DCAF8: variants seen among roughly 807,000 people sequenced by gnomAD.
DCAF8 encodes DDB1 and CUL4 associated factor 8.
DCAF8 carries 20 observed loss-of-function variants against 68.0 expected under a neutral mutation model. The ratio of observed to expected loss-of-function variants is 0.29; its 90% CI spans 0.21 to 0.43. DCAF8 has a LOEUF of 0.43. Ranked by LOEUF, DCAF8 falls within the 20% of genes least tolerant of loss-of-function variation. DCAF8 has a pLI of 1.00. For missense variants in DCAF8, 460 were observed against 771.0 expected (o/e 0.60, Z 4.78); for synonymous variants, 230 against 276.9 (o/e 0.83, Z 1.68).
intron 7 of DCAF8, among the ~76,000 whole-genome samples, chr1:160,230,822 G>A (rs1210294347): frequency 6.6e-6 from 1 of 152,100 alleles, no homozygotes; most frequent in East Asian, 1.9e-4. Flanking sequence ...CACAATCTTG[G>A]CTCATTGCAA....
rs778005634 is a variant in DCAF8 at position 160,240,000 on chromosome 1, C to T, written c.420G>A (p.Val140=). ...SDDERALEDW[V]SSETSALPRP... ...GGGGTAGAGCTGATGTTTCTGAGGACACCCAGTCCTCTAGGGCCCGCTCAT... is the reference window on the plus strand; with the variant it reads ...GGGGTAGAGCTGATGTTTCTGAGGATACCCAGTCCTCTAGGGCCCGCTCAT... Residue 140 remains valine (V), a synonymous_variant, in exon 4 of 14, where the codon GTG becomes GTA. Transcript: ENST00000368074. The T allele has an allele frequency of 1.1e-5, 18 of 1,614,238 alleles. No homozygotes were observed. In the South Asian group the frequency reaches 1.4e-4, roughly 13 times the overall value.
At chr1:160,241,227 A>G (rs1193889809) in intron 3 of DCAF8, among the ~76,000 whole-genome samples, 2 of 152,180 alleles carry the variant, frequency 1.3e-5, no homozygotes, top group Non-Finnish European at 2.9e-5. Context: ...TCTAAAATTC[A>G]CTAAGAAAGC....
intron 6 of DCAF8, among the ~76,000 whole-genome samples, chr1:160,235,237 G>T (rs771519666): frequency 6.6e-6 from 1 of 151,786 alleles, no homozygotes; most frequent in Admixed American, 6.6e-5. Flanking sequence ...GGGCTCAAGC[G>T]ATTCTCCTGT....
intron 7 of DCAF8, among the ~76,000 whole-genome samples, chr1:160,231,093 T>C (rs576951023): frequency 1.3e-5 from 2 of 152,260 alleles, no homozygotes; most frequent in South Asian, 2.1e-4. Flanking sequence ...CTCTAAAATA[T>C]GTAAAGTCAC....
At chr1:160,243,861 C>T in intron 3 of DCAF8, 99 bp downstream of exon 3, 13 of 1,204,112 alleles carry the variant, frequency 1.1e-5, no homozygotes, top group Non-Finnish European at 1.4e-5. Flanking sequence ...GAAAGTTTCC[C>T]TCTCTCCACT....
Position 160,222,742 on chromosome 1 carries a change from A to G in DCAF8, c.1349T>C (p.Val450Ala). 6.2e-7 allele frequency: 1 copy of G among 1,614,204 alleles called. No homozygotes were observed. The highest frequency in any genetic ancestry group is 8.5e-7 in the Non-Finnish European group (1 of 1,180,038). The change falls in exon 11 of 14, where the codon GTG becomes GCG. Residue 450 changes from valine to alanine, a missense_variant. This residue lies in a region of DCAF8 where 30 missense variants were observed against 69.6 expected (regional missense o/e 0.43). Coordinates refer to ENST00000368074, the MANE Select transcript of DCAF8 (RefSeq NM_015726.4). Reference sequence around the variant, plus strand: ...GTGCCCACAGTCACTACCGCTCACCACAAACTCACTCTTGGGGCCATAGAA... The same window carrying G: ...GTGCCCACAGTCACTACCGCTCACCGCAAACTCACTCTTGGGGCCATAGAA... ...VNFYGPKSEF[V>A]VSGSDCGHIF...
At chr1:160,240,401 AG>A in intron 3 of DCAF8, 31 bp from the exon 4 acceptor site, 1 of 1,547,262 alleles carries the variant, frequency 6.5e-7, no homozygotes. Flanking sequence ...AGTAGAGGAG[AG>A]GGAAAAATAA....
rs150807874 is a variant in DCAF8 at position 160,232,722 on chromosome 1, G to T, written c.960-1315C>A. Reference sequence around the variant, plus strand: ...AGTCCCAGCTGCTCAGGAGGCTGAGGTGTGAGGATTCCTTGAGTCCAGAAA... The same window carrying T: ...AGTCCCAGCTGCTCAGGAGGCTGAGTTGTGAGGATTCCTTGAGTCCAGAAA... On this transcript the variant is annotated intron_variant, in intron 6 of 13. Transcript: ENST00000368074. Among the ~76,000 whole-genome samples the T allele has an allele frequency of 4.2e-3, 635 of 152,276 alleles. 4 individuals carry two copies. Among genetic ancestry groups the T allele is most frequent in the African/African-American group, 0.014 (599 of 41,542 alleles).
intron 2 of DCAF8, among the ~76,000 whole-genome samples, chr1:160,259,793 CAG>C (rs899637407): frequency 3.6e-4 from 55 of 152,256 alleles, no homozygotes; most frequent in African/African-American, 1.3e-3. Context: ...GGTGTGCTAA[CAG>C]AGAGTCCAAG....
intron 9 of DCAF8, among the ~76,000 whole-genome samples, chr1:160,224,775 T>TCAGGAATGA (rs1655411146): frequency 6.6e-6 from 1 of 152,140 alleles, no homozygotes. Flanking sequence ...ACCCATTAAC[T>TCAGGAATGA]CAGGAATGAG....
chr1:160,242,656 G>A (rs969713575), intron 3 of DCAF8, among the ~76,000 whole-genome samples: 9 of 152,088 alleles, frequency 5.9e-5, no homozygotes, highest in African/African-American at 2.2e-4. Flanking sequence ...TTTCTGTAAA[G>A]GGCCAGATAG....
At chr1:160,226,059 C>T (rs1478601365) in intron 7 of DCAF8, among the ~76,000 whole-genome samples, 1 of 152,082 alleles carries the variant, frequency 6.6e-6, no homozygotes, top group Non-Finnish European at 1.5e-5. Context: ...GCCAGGCAAA[C>T]CCTTAAATCC....
intron 2 of DCAF8, among the ~76,000 whole-genome samples, chr1:160,260,346 TTTCTC>T (rs1657037191): frequency 6.6e-6 from 1 of 152,202 alleles, no homozygotes; most frequent in Non-Finnish European, 1.5e-5. Flanking sequence ...AGACTGTACT[TTTCTC>T]TTTATATCTT....
intron 2 of DCAF8, among the ~76,000 whole-genome samples, chr1:160,254,090 G>C (rs1398835694): frequency 6.6e-6 from 1 of 152,190 alleles, no homozygotes; most frequent in Non-Finnish European, 1.5e-5. Context: ...TTGGGAGGCC[G>C]AGGCAGGCGG....
At chr1:160,255,066 G>A (rs1656773928) in intron 2 of DCAF8, among the ~76,000 whole-genome samples, 1 of 151,990 alleles carries the variant, frequency 6.6e-6, no homozygotes, top group African/African-American at 2.4e-5. Context: ...GAAAATCCTG[G>A]ACCTCTTTAC....
intron 2 of DCAF8, among the ~76,000 whole-genome samples, chr1:160,246,855 G>A (rs2101753666): frequency 6.6e-6 from 1 of 152,292 alleles, no homozygotes; most frequent in South Asian, 2.1e-4. Flanking sequence ...ACTTGGGGTA[G>A]GGCTGAGATG....
rs59577067 is a variant in DCAF8 at position 160,222,913 on chromosome 1, G to A, written c.1310-132C>T. ...TATGCATGTTTAACAGATAGTTATA[G>A]GAATCACACCAGTCCCAAGAGATGA... On this transcript the variant is annotated intron_variant, in intron 10 of 13. Coordinates refer to ENST00000368074, the MANE Select transcript of DCAF8 (RefSeq NM_015726.4). 4.6e-3 allele frequency: 6,002 copies of A among 1,296,978 alleles called. 117 individuals carry two copies. In the African/African-American group the frequency reaches 0.048, roughly 10 times the overall value. The allele number at this position is 1,296,978 out of a possible 1,614,324, so 80.3% of individuals were successfully genotyped here. A position where few individuals can be genotyped will look rare whatever the true frequency, so the allele number is the denominator to read the frequency against.
chr1:160,238,824 T>C, intron 4 of DCAF8, 77 bp from the exon 5 acceptor site: 1 of 1,380,786 alleles, frequency 7.2e-7, no homozygotes, highest in Non-Finnish European at 9.7e-7. Flanking sequence ...AATACGATGA[T>C]GACCTCAACT....
chr1:160,243,135 CTAATT>C (rs1656183747), intron 3 of DCAF8, among the ~76,000 whole-genome samples: 1 of 152,182 alleles, frequency 6.6e-6, no homozygotes, highest in African/African-American at 2.4e-5. Context: ...GGCGGCTTCT[CTAATT>C]TAAAAGTTGG....
Sources: allele counts gnomAD v4.1 joint callset (sites outside exome capture counted in the v4.1 genomes callset), GRCh38; gene constraint gnomAD v4.1.1; regional missense constraint gnomAD v4.1.1; transcripts MANE v1.5; gene names NCBI Gene and HGNC (gene_info 2026-07-23, HGNC 2026-07-21).